YARS1: variants seen among roughly 807,000 people sequenced by gnomAD.
YARS1 encodes tyrosyl-tRNA synthetase 1, also known as tyrosine--tRNA ligase, cytoplasmic.
YARS1 carries 36 observed loss-of-function variants against 62.2 expected under a neutral mutation model. That is an observed-to-expected ratio of 0.58 (90% CI 0.44 to 0.76). The LOEUF is 0.76. Among genes scored for constraint, YARS1 ranks in the 30% least tolerant of loss-of-function variants. The pLI is 0.00. For missense variants in YARS1, 524 were observed against 639.8 expected (o/e 0.82, Z 1.95); for synonymous variants, 234 against 244.9 (o/e 0.96, Z 0.42).
At chr1:32,811,137 A>C in intron 1 of YARS1, 80 bp from the exon 2 acceptor site, 1 of 1,601,320 alleles carries the variant, frequency 6.2e-7, no homozygotes, top group Non-Finnish European at 8.5e-7. Flanking sequence ...GGAAAACAAC[A>C]GCATGTGTCA....
At chr1:32,810,874 G>A (rs756535939) in intron 2 of YARS1, 37 bp downstream of exon 2, 3 of 1,613,990 alleles carry the variant, frequency 1.9e-6, no homozygotes, top group Admixed American at 3.3e-5. Context: ...GGTCTCCCTT[G>A]GGTCATTCCC....
intron 9 of YARS1, chr1:32,781,896 T>G (rs2148600963): frequency 5.8e-6 from 1 of 173,490 alleles, no homozygotes; most frequent in East Asian, 1.6e-4. Context: ...CACTGCAGTC[T>G]CAACTTCCCC....
Position 32,776,592 on chromosome 1 carries a change from GGC to G in YARS1, c.1477-503_1477-502del, listed in dbSNP as rs1652867791. ...TTAAGAAAATAAACCTAAGTGCAAA[GGC>G]TTATGCATGAAGACATCTGTCACAT... On this transcript the variant is annotated intron_variant, in intron 12 of 12. Coordinates refer to ENST00000373477, the MANE Select transcript of YARS1 (RefSeq NM_003680.4). The surrounding 1 kb of genome is among the most constrained non-coding windows in gnomAD (Gnocchi z 4.0). Among the ~76,000 whole-genome samples the G allele has an allele frequency of 6.6e-6, 1 of 152,200 alleles. No homozygotes were observed. Among genetic ancestry groups the G allele is most frequent in the African/African-American group, 2.4e-5 (1 of 41,464 alleles).
At chr1:32,778,736 CTTTTTTT>C (rs67504155) in intron 12 of YARS1, among the ~76,000 whole-genome samples, 2 of 120,070 alleles carry the variant, frequency 1.7e-5, no homozygotes, top group Non-Finnish European at 3.5e-5. Flanking sequence ...CTTTTCTTTT[CTTTTTTT>C]TTTTTTTTTT....
intron 4 of YARS1, among the ~76,000 whole-genome samples, chr1:32,799,036 T>C (rs1653694128): frequency 1.3e-5 from 2 of 152,180 alleles, no homozygotes; most frequent in African/African-American, 4.8e-5. Flanking sequence ...AGGAACAGTG[T>C]TGACATAAAA....
intron 4 of YARS1, among the ~76,000 whole-genome samples, chr1:32,798,755 C>T (rs1000555702): frequency 1.7e-4 from 26 of 152,120 alleles, no homozygotes; most frequent in Admixed American, 6.6e-4. Context: ...CCAGAGAGGT[C>T]GTGGCTGCGG....
chr1:32,817,042 C>G (rs1638763178), intron 1 of YARS1, 146 bp downstream of exon 1: 1 of 1,022,554 alleles, frequency 9.8e-7, no homozygotes, highest in South Asian at 1.3e-5. Context: ...ACTGACCGAC[C>G]AGCAGTGAGA....
chr1:32,802,892 A>G (rs1260438779), intron 4 of YARS1, among the ~76,000 whole-genome samples: 1 of 151,882 alleles, frequency 6.6e-6, no homozygotes, highest in Non-Finnish European at 1.5e-5. Flanking sequence ...ACCTCACTGC[A>G]ATCTCTGCCT....
intron 1 of YARS1, among the ~76,000 whole-genome samples, chr1:32,813,175 C>T (rs528644383): frequency 6.6e-6 from 1 of 152,234 alleles, no homozygotes; most frequent in South Asian, 2.1e-4. Flanking sequence ...TTGCCTGTAA[C>T]TTCTGTCTCC....
At chr1:32,813,751 C>T (rs1638635638) in intron 1 of YARS1, among the ~76,000 whole-genome samples, 1 of 152,210 alleles carries the variant, frequency 6.6e-6, no homozygotes, top group South Asian at 2.1e-4. Flanking sequence ...CATACTACAT[C>T]ATACTACTAA....
At chr1:32,816,347 T>C (rs1195095862) in intron 1 of YARS1, among the ~76,000 whole-genome samples, 1 of 152,268 alleles carries the variant, frequency 6.6e-6, no homozygotes, top group East Asian at 1.9e-4. Flanking sequence ...GGTCCCTGCC[T>C]ACCTCTCTTA....
chr1:32,790,158 C>T (rs1161951353), intron 6 of YARS1, among the ~76,000 whole-genome samples: 6 of 145,978 alleles, frequency 4.1e-5, no homozygotes, highest in Non-Finnish European at 9.0e-5. Context: ...GCTGGGATTA[C>T]AGGCGTGAGC....
chr1:32,793,580 G>C (rs963568926), intron 5 of YARS1, among the ~76,000 whole-genome samples: 4 of 152,110 alleles, frequency 2.6e-5, no homozygotes, highest in Admixed American at 2.0e-4. Context: ...GGAAGTCAAG[G>C]CTGCAGTGAG....
At position 32,788,620 on chromosome 1, in the gene YARS1, G is replaced by A. The variant is rs183762964; in HGVS notation, c.685-1545C>T. Reference sequence around the variant, plus strand: ...CTAATTTTGTATTTTTAGTAGAGACGGGGTTTCTCCATGTTGGTCAGGCTG... The same window carrying A: ...CTAATTTTGTATTTTTAGTAGAGACAGGGTTTCTCCATGTTGGTCAGGCTG... On this transcript the variant is annotated intron_variant, in intron 6 of 12. Coordinates refer to ENST00000373477, the MANE Select transcript of YARS1 (RefSeq NM_003680.4). Among the ~76,000 whole-genome samples, 520 of 151,826 alleles carry A rather than the reference G, an allele frequency of 3.4e-3. 1 individual carries two copies. Among genetic ancestry groups the A allele is most frequent in the Middle Eastern group, 0.01 (3 of 292 alleles).
chr1:32,778,411 C>A (rs1652937502), intron 12 of YARS1, among the ~76,000 whole-genome samples: 1 of 111,152 alleles, frequency 9.0e-6, no homozygotes, highest in South Asian at 3.1e-4. Flanking sequence ...TTCTTTCTTT[C>A]TTTCATTTTT....
chr1:32,804,318 G>A (rs1252537696), intron 4 of YARS1, among the ~76,000 whole-genome samples: 1 of 147,692 alleles, frequency 6.8e-6, no homozygotes, highest in Non-Finnish European at 1.5e-5. Flanking sequence ...GGGGCGGCCG[G>A]TCAGAGGCAC....
intron 1 of YARS1, among the ~76,000 whole-genome samples, chr1:32,812,273 A>G (rs1001916525): frequency 2.6e-5 from 4 of 152,174 alleles, no homozygotes; most frequent in African/African-American, 9.7e-5. Flanking sequence ...TTAGTCTCCC[A>G]AAGTGCTGGG....
chr1:32,806,425 C>G, intron 4 of YARS1, 57 bp downstream of exon 4: 1 of 1,612,282 alleles, frequency 6.2e-7, no homozygotes, highest in South Asian at 1.1e-5. Context: ...ATAAGATATG[C>G]CTGTCATCAA....
rs1020699322 is a variant in YARS1 at position 32,787,083 on chromosome 1, T to G, written c.685-8A>C. 6.2e-7 allele frequency: 1 copy of G among 1,613,936 alleles called. No homozygotes were observed. The highest frequency in any genetic ancestry group is 1.3e-5 in the African/African-American group (1 of 74,924). ...GAGATCAATCTTGGACTCCTAGAAG[T>G]CATAGAACGGAAGAGGACCTCTTGT... On this transcript the variant is annotated splice_polypyrimidine_tract_variant and splice_region_variant and intron_variant, in intron 6 of 12. Coordinates refer to ENST00000373477, the MANE Select transcript of YARS1 (RefSeq NM_003680.4).
Sources: gnomAD v4.1 joint callset for allele counts (sites outside exome capture counted in the v4.1 genomes callset) on GRCh38, gnomAD v4.1.1 for gene constraint, Gnocchi (gnomAD v3.1) non-coding constraint, MANE v1.5 for transcripts, NCBI Gene and HGNC (gene_info 2026-07-23, HGNC 2026-07-21) for gene names.